The following MOB3B variants were observed in gnomAD, a reference collection of about 807,000 sequenced individuals.
The protein encoded by MOB3B is MOB kinase activator-like 2B.
MOB3B carries 7 observed loss-of-function variants against 18.7 expected under a neutral mutation model. The ratio of observed to expected loss-of-function variants is 0.37; its 90% confidence interval spans 0.21 to 0.70. MOB3B has a LOEUF of 0.70. Ranked by LOEUF, MOB3B falls within the 30% of genes least tolerant of loss-of-function variation. The pLI is 0.52. For missense variants in MOB3B, 253 were observed against 281.3 expected (o/e 0.90, Z 0.72); for synonymous variants, 111 against 99.9 (o/e 1.11, Z -0.66).
intron 2 of MOB3B, among the ~76,000 whole-genome samples, chr9:27,423,687 A>G (rs1368665333): frequency 6.6e-6 from 1 of 152,234 alleles, no homozygotes. Flanking sequence ...CTACAAGAGT[A>G]GAAGTTACAA....
chr9:27,473,273 C>T (rs1326414196), intron 1 of MOB3B, among the ~76,000 whole-genome samples: 3 of 152,146 alleles, frequency 2.0e-5, no homozygotes, highest in Non-Finnish European at 2.9e-5. Flanking sequence ...TCTCATCTAG[C>T]GGAGTAATCT....
At chr9:27,364,132 G>T (rs1329822461) in intron 2 of MOB3B, among the ~76,000 whole-genome samples, 1 of 152,162 alleles carries the variant, frequency 6.6e-6, no homozygotes, top group African/African-American at 2.4e-5. Flanking sequence ...CTCAGCAATT[G>T]GAAGAAGAAA....
intron 2 of MOB3B, among the ~76,000 whole-genome samples, chr9:27,387,776 A>G (rs1455661517): frequency 6.6e-6 from 1 of 152,154 alleles, no homozygotes; most frequent in Non-Finnish European, 1.5e-5. Context: ...GGATGGATTG[A>G]AAGTCACCTT....
intron 2 of MOB3B, among the ~76,000 whole-genome samples, chr9:27,376,057 T>C (rs1167650318): frequency 6.6e-6 from 1 of 152,254 alleles, no homozygotes; most frequent in Admixed American, 6.5e-5. Context: ...CAGTCTTTTT[T>C]CTGTGTGTGT....
intron 3 of MOB3B, among the ~76,000 whole-genome samples, chr9:27,340,699 A>G (rs946137431): frequency 6.6e-6 from 1 of 152,130 alleles, no homozygotes; most frequent in Non-Finnish European, 1.5e-5. Flanking sequence ...CAGGGGATCC[A>G]ACCTGATTTC....
intron 1 of MOB3B, among the ~76,000 whole-genome samples, chr9:27,469,181 T>G (rs769722752): frequency 2.0e-4 from 31 of 152,330 alleles, no homozygotes; most frequent in Non-Finnish European, 3.7e-4. Context: ...TTGCCCAGGC[T>G]GGTCTTGAAA....
chr9:27,418,594 C>T (rs781561294), intron 2 of MOB3B, among the ~76,000 whole-genome samples: 11 of 152,156 alleles, frequency 7.2e-5, no homozygotes, highest in Non-Finnish European at 1.0e-4. Flanking sequence ...ATATGATCAT[C>T]TCAATAGATG....
In MOB3B at chr9:27,524,556, C is replaced by T. The variant is rs749132417; in HGVS notation, c.-199+4999G>A. The T allele has an allele frequency of 3.1e-6, 5 of 1,613,926 alleles. No individual in the cohort carries two copies. The East Asian group carries it at 8.9e-5, about 29-fold the overall frequency. ...TTTTGAGTTGCCCCAAGAGTTTCTG[C>T]AATACACCCAACCTATGAAGAGGGA... On this transcript the variant is annotated intron_variant, in intron 1 of 3. Coordinates refer to ENST00000262244, the MANE Select transcript of MOB3B (RefSeq NM_024761.5).
intron 2 of MOB3B, among the ~76,000 whole-genome samples, chr9:27,417,973 T>A (rs2131408524): frequency 6.6e-6 from 1 of 150,944 alleles, no homozygotes; most frequent in African/African-American, 2.4e-5. Context: ...ACGCCTGTGG[T>A]CCCAGCTACT....
At chr9:27,341,957 G>T (rs565991793) in intron 3 of MOB3B, among the ~76,000 whole-genome samples, 4 of 152,186 alleles carry the variant, frequency 2.6e-5, no homozygotes, top group African/African-American at 9.6e-5. Flanking sequence ...GCTAAGAGTG[G>T]TTTTTACATT....
At chr9:27,440,968 G>T (rs1293652801) in intron 2 of MOB3B, among the ~76,000 whole-genome samples, 1 of 152,018 alleles carries the variant, frequency 6.6e-6, no homozygotes, top group East Asian at 1.9e-4. Context: ...AGATCGTCAG[G>T]CATTAGTTAG....
At chr9:27,367,277 C>A (rs1163246364) in intron 2 of MOB3B, among the ~76,000 whole-genome samples, 1 of 152,196 alleles carries the variant, frequency 6.6e-6, no homozygotes, top group Non-Finnish European at 1.5e-5. Flanking sequence ...TGTCTCAGAG[C>A]CTATGCTCCT....
At chr9:27,518,126 G>C (rs1307252287) in intron 1 of MOB3B, among the ~76,000 whole-genome samples, 1 of 152,144 alleles carries the variant, frequency 6.6e-6, no homozygotes, top group Non-Finnish European at 1.5e-5. Flanking sequence ...ACCTTTCTTT[G>C]TTCTTCAGAA....
intron 3 of MOB3B, among the ~76,000 whole-genome samples, chr9:27,339,283 C>T (rs569333512): frequency 2.0e-5 from 3 of 152,228 alleles, no homozygotes; most frequent in Admixed American, 1.3e-4. Context: ...TTTTTTGTAA[C>T]GTTGTTGTGT....
intron 1 of MOB3B, among the ~76,000 whole-genome samples, chr9:27,522,580 G>A (rs1250491525): frequency 6.6e-6 from 1 of 151,694 alleles, no homozygotes; most frequent in Non-Finnish European, 1.5e-5. Context: ...TTACATATAT[G>A]TTTTCTACTG....
intron 1 of MOB3B, among the ~76,000 whole-genome samples, chr9:27,462,498 A>G (rs1196820745): frequency 6.6e-6 from 1 of 152,214 alleles, no homozygotes; most frequent in African/African-American, 2.4e-5. Flanking sequence ...AGCTGATATG[A>G]TGTCACTCTG....
intron 1 of MOB3B, among the ~76,000 whole-genome samples, chr9:27,519,728 T>C (rs1820294718): frequency 1.3e-5 from 2 of 152,206 alleles, no homozygotes; most frequent in South Asian, 2.1e-4. Context: ...TTTTACCATA[T>C]GCACATATCC....
chr9:27,400,287 T>C (rs1231730593), intron 2 of MOB3B, among the ~76,000 whole-genome samples: 1 of 152,214 alleles, frequency 6.6e-6, no homozygotes, highest in Admixed American at 6.5e-5. Context: ...GATACAGCTC[T>C]CCAAAACCTG....
At chr9:27,407,968 C>T (rs1465771761) in intron 2 of MOB3B, among the ~76,000 whole-genome samples, 1 of 152,146 alleles carries the variant, frequency 6.6e-6, no homozygotes, top group African/African-American at 2.4e-5. Context: ...CCTACCTGCC[C>T]TAGCTGGTAT....
Sources: gnomAD v4.1 joint callset for allele counts (sites outside exome capture counted in the v4.1 genomes callset) on GRCh38, gnomAD v4.1.1 for gene constraint, MANE v1.5 for transcripts, NCBI Gene and HGNC (gene_info 2026-07-23, HGNC 2026-07-21) for gene names.